The following PDIA3 variants were observed in gnomAD, a reference collection of about 807,000 sequenced individuals.
The protein encoded by PDIA3 is protein disulfide isomerase family A member 3.
Under a neutral mutation model 56.9 loss-of-function variants are expected in PDIA3, and 16 were observed. The observed-to-expected ratio is 0.28, with a 90% CI of 0.19 to 0.43. The LOEUF (loss-of-function observed/expected upper bound fraction) is 0.43, where lower values mean the gene tolerates loss of function less well. PDIA3 is among the 20% of genes least tolerant of loss of function. PDIA3 has a pLI of 1.00. For missense variants in PDIA3, 485 were observed against 621.3 expected (o/e 0.78, Z 2.33); for synonymous variants, 192 against 216.5 (o/e 0.89, Z 0.99).
chr15:43,769,339 C>T lies in PDIA3; in HGVS notation c.1138-179C>T, dbSNP rs182928517. Reference sequence around the variant, plus strand: ...GTTTGACAGGTGACAGACATAGGAACGAGTTGGTATCTAGTGAATGACAAC... The same window carrying T: ...GTTTGACAGGTGACAGACATAGGAATGAGTTGGTATCTAGTGAATGACAAC... On this transcript the variant is annotated intron_variant, in intron 9 of 12. Coordinates refer to ENST00000300289, the MANE Select transcript of PDIA3 (RefSeq NM_005313.5). 4.6e-5 allele frequency among the ~76,000 whole-genome samples: 7 copies of T among 152,160 alleles called. No homozygotes were observed. In the East Asian group the frequency reaches 9.6e-4, roughly 21 times the overall value.
chr15:43,770,354 A>C, intron 11 of PDIA3, 25 bp downstream of exon 11: 1 of 1,579,698 alleles, frequency 6.3e-7, no homozygotes, highest in Non-Finnish European at 8.7e-7. Context: ...ACTTAACAAA[A>C]GTGTCTAGGC....
chr15:43,753,745 T>G, intron 1 of PDIA3, 79 bp from the exon 2 acceptor site: 3 of 1,009,300 alleles, frequency 3.0e-6, no homozygotes, highest in Non-Finnish European at 4.7e-6. Context: ...TATTATAGTT[T>G]GAGATTCTTC....
At chr15:43,771,057 A>C in intron 12 of PDIA3, 48 bp from the exon 13 acceptor site, 1 of 1,273,726 alleles carries the variant, frequency 7.9e-7, no homozygotes, top group Non-Finnish European at 1.1e-6. Flanking sequence ...GGGGCAGATC[A>C]GGGTTCTTTA....
chr15:43,748,469 A>C (rs2141641266), intron 1 of PDIA3, among the ~76,000 whole-genome samples: 1 of 151,662 alleles, frequency 6.6e-6, no homozygotes, highest in African/African-American at 2.4e-5. Flanking sequence ...CAAGAGCGAA[A>C]CTCTGTCTCA....
chr15:43,746,829 G>A (rs1596016043), intron 1 of PDIA3, 123 bp downstream of exon 1: 1 of 1,117,146 alleles, frequency 9.0e-7, no homozygotes, highest in East Asian at 2.5e-5. Context: ...TGCTGCGGCG[G>A]GCACATTTCT....
chr15:43,765,652 G>A, intron 6 of PDIA3, 86 bp downstream of exon 6: 2 of 962,502 alleles, frequency 2.1e-6, no homozygotes, highest in East Asian at 2.4e-5. Context: ...CTATATTTTG[G>A]CGTAAACAGT....
intron 2 of PDIA3, among the ~76,000 whole-genome samples, chr15:43,755,909 C>T (rs544399622): frequency 2.9e-4 from 43 of 148,014 alleles, no homozygotes; most frequent in Middle Eastern, 3.5e-3. Flanking sequence ...AGTGAAACTC[C>T]GTCTCAAAAA....
At chr15:43,748,833 A>G (rs1167549831) in intron 1 of PDIA3, among the ~76,000 whole-genome samples, 2 of 149,502 alleles carry the variant, frequency 1.3e-5, no homozygotes, top group Admixed American at 6.7e-5. Context: ...CCATGGCACT[A>G]TCTTGACTCA....
chr15:43,751,248 C>A (rs1160787429), intron 1 of PDIA3, among the ~76,000 whole-genome samples: 1 of 151,338 alleles, frequency 6.6e-6, no homozygotes, highest in East Asian at 1.9e-4. Context: ...CCCTGGACAA[C>A]TAACTGGTTG....
At chr15:43,768,320 A>G (rs541490556) in intron 8 of PDIA3, among the ~76,000 whole-genome samples, 169 bp from the exon 9 acceptor site, 1 of 152,336 alleles carries the variant, frequency 6.6e-6, no homozygotes, top group East Asian at 1.9e-4. Context: ...CTAGAAATAA[A>G]AGGAACGGTT....
Position 43,747,003 on chromosome 15 carries a change from A to G in PDIA3, c.167+297A>G, listed in dbSNP as rs564571066. On this transcript the variant is annotated intron_variant, in intron 1 of 12. Transcript: ENST00000300289. ...TTTTGCCACCCCTTCCCCCAGTCCA[A>G]TATGTAGCTATATCTTTTCTGCGTG... is the stretch of plus-strand genomic sequence containing the variant. The G allele has an allele frequency of 1.9e-4, 88 of 473,930 alleles. 1 individual carries two copies. Among genetic ancestry groups the G allele is most frequent in the South Asian group, 1.5e-3 (62 of 40,924 alleles). The allele number at this position is 473,930 out of a possible 1,614,324, so 29.4% of individuals were successfully genotyped here. A position where few individuals can be genotyped will look rare whatever the true frequency, so the allele number is the denominator to read the frequency against.
intron 3 of PDIA3, among the ~76,000 whole-genome samples, chr15:43,759,977 T>C (rs1183882660): frequency 6.6e-6 from 1 of 152,120 alleles, no homozygotes; most frequent in Non-Finnish European, 1.5e-5. Context: ...TAATTCCAGC[T>C]ACTCGGGAGG....
In PDIA3 at chr15:43,746,859, C is replaced by T. The variant is rs186442708; in HGVS notation, c.167+153C>T. On this transcript the variant is annotated intron_variant, in intron 1 of 12. Transcript: ENST00000300289. ...ATTTCTCATTCCCGGGAGCTGGAGGCGCCTCGCCGAGAGCGGGGGAGTCGG... is the reference window on the plus strand; with the variant it reads ...ATTTCTCATTCCCGGGAGCTGGAGGTGCCTCGCCGAGAGCGGGGGAGTCGG... 2.6e-4 allele frequency: 229 copies of T among 869,160 alleles called. 2 individuals carry two copies. The African/African-American group carries it at 3.1e-3, about 12-fold the overall frequency. 53.8% of individuals were successfully genotyped at this position (869,160 alleles called of 1,614,324 possible).
Position 43,756,604 on chromosome 15 carries a change from G to A in PDIA3, c.247-45G>A, listed in dbSNP as rs1309896017. ...TTTGAGAATATAGGAAGAACCTGCA[G>A]CAGAAACTTGGATAAGAAAATAGTT... On this transcript the variant is annotated intron_variant, in intron 2 of 12. Coordinates refer to ENST00000300289, the MANE Select transcript of PDIA3 (RefSeq NM_005313.5). The A allele has an allele frequency of 4.5e-6, 5 of 1,099,780 alleles. No homozygotes were observed. In the African/African-American group the frequency reaches 4.6e-5, roughly 10 times the overall value. 68.1% of individuals were successfully genotyped at this position (1,099,780 alleles called of 1,614,324 possible).
chr15:43,760,519 TA>T lies in PDIA3; in HGVS notation c.365-895del, dbSNP rs35560156. Among the ~76,000 whole-genome samples the T allele has an allele frequency of 1.0e-3, 139 of 139,566 alleles. 1 individual carries two copies. The highest frequency in any genetic ancestry group is 1.4e-3 in the South Asian group (6 of 4,384). 91.6% of individuals were successfully genotyped at this position (139,566 alleles called of 152,430 possible). ...TATGCATTGTAAACAATGTTTCTGT[TA>T]AAAAAAAAACTTTTTTTTTTTTTTT... On this transcript the variant is annotated intron_variant, in intron 3 of 12. Transcript: ENST00000300289.
chr15:43,773,098 A>T lies in PDIA3; in HGVS notation c.*1880A>T. 6.3e-7 allele frequency: 1 copy of T among 1,581,496 alleles called. No homozygotes were observed. Among genetic ancestry groups the T allele is most frequent in the Non-Finnish European group, 8.6e-7 (1 of 1,168,216 alleles). ...TTGTGTTTCACTAAGCAGAGGCTCA[A>T]AAATTCCCTTGATAACTTCAGCTGC... On this transcript the variant is annotated 3_prime_UTR_variant, in exon 13 of 13. Transcript: ENST00000300289.
intron 5 of PDIA3, among the ~76,000 whole-genome samples, chr15:43,764,864 A>G (rs747308971): frequency 3.3e-5 from 5 of 152,208 alleles, no homozygotes; most frequent in South Asian, 4.1e-4. Context: ...ACCTGGTCCA[A>G]CGTGTTTGGA....
chr15:43,761,298 A>C (rs2086814505), intron 3 of PDIA3, 126 bp from the exon 4 acceptor site: 1 of 508,292 alleles, frequency 2.0e-6, no homozygotes, highest in Non-Finnish European at 3.6e-6. Context: ...GTGACTAGGG[A>C]CAAGGGTGGC....
intron 1 of PDIA3, among the ~76,000 whole-genome samples, chr15:43,747,879 G>A (rs2086717263): frequency 6.6e-6 from 1 of 152,154 alleles, no homozygotes; most frequent in South Asian, 2.1e-4. Context: ...TGCTAGAGAT[G>A]GCAAATTTTG....
Sources: gnomAD v4.1 joint callset for allele counts (sites outside exome capture counted in the v4.1 genomes callset) on GRCh38, gnomAD v4.1.1 for gene constraint, MANE v1.5 for transcripts, NCBI Gene and HGNC (gene_info 2026-07-23, HGNC 2026-07-21) for gene names.